SPIDR: variants seen among roughly 807,000 people sequenced by gnomAD.
The protein encoded by SPIDR is DNA repair-scaffolding protein.
In SPIDR, 93 loss-of-function variants were observed where a neutral mutation model predicts 104.6. The observed-to-expected ratio is 0.89, with a 90% CI of 0.75 to 1.06. The LOEUF is 1.06. SPIDR is among the 50% of genes least tolerant of loss of function. The pLI, the probability that SPIDR is intolerant of heterozygous loss-of-function variation, is 0.00. For synonymous variants in SPIDR, 431 were observed against 416.9 expected (o/e 1.03, Z -0.41); for missense variants, 1,154 against 1,111.2 (o/e 1.04, Z -0.55).
intron 7 of SPIDR, 26 bp from the exon 8 acceptor site, chr8:47,440,297 G>T: frequency 6.3e-7 from 1 of 1,593,970 alleles, no homozygotes; most frequent in Non-Finnish European, 8.6e-7. Context: ...TTTCATTTTT[G>T]CTTTGTTCTT....
chr8:47,462,948 G>A (rs1327816214), intron 8 of SPIDR, among the ~76,000 whole-genome samples: 8 of 152,120 alleles, frequency 5.3e-5, no homozygotes, highest in African/African-American at 1.7e-4. Context: ...CCAACAAATT[G>A]GGTAACCTAG....
In SPIDR at chr8:47,547,997, G is replaced by T. The variant is rs145373778; in HGVS notation, c.1098-47814G>T. On this transcript the variant is annotated intron_variant, in intron 8 of 19. Coordinates refer to ENST00000297423, the MANE Select transcript of SPIDR (RefSeq NM_001080394.4). ...AAAATTCCCTCTCAGCACTGCTTTC[G>T]CTTCATCCCACCAATTTTGATATGT... 3.4e-3 allele frequency: 514 copies of T among 153,274 alleles called. 7 individuals are homozygous for T. Among genetic ancestry groups the T allele is most frequent in the African/African-American group, 0.012 (482 of 41,514 alleles). 9.5% of individuals were successfully genotyped at this position (153,274 alleles called of 1,614,324 possible).
chr8:47,687,692 G>T (rs546813021), intron 11 of SPIDR, among the ~76,000 whole-genome samples: 54 of 152,326 alleles, frequency 3.5e-4, no homozygotes, highest in Non-Finnish European at 7.1e-4. Context: ...CCCCTACCCT[G>T]ATCCTAAAGA....
intron 8 of SPIDR, among the ~76,000 whole-genome samples, chr8:47,502,325 A>G (rs1310716565): frequency 6.6e-6 from 1 of 152,092 alleles, no homozygotes; most frequent in African/African-American, 2.4e-5. Context: ...AGAGCCTGTT[A>G]TTGGTCTATT....
intron 11 of SPIDR, among the ~76,000 whole-genome samples, chr8:47,696,332 G>T (rs1311593448): frequency 2.5e-4 from 38 of 151,808 alleles, no homozygotes; most frequent in East Asian, 1.9e-4. Context: ...AAGAAAATTG[G>T]TTTTTTTTCA....
intron 8 of SPIDR, among the ~76,000 whole-genome samples, chr8:47,566,058 G>T (rs990979144): frequency 3.9e-5 from 5 of 129,320 alleles, no homozygotes; most frequent in Non-Finnish European, 6.3e-5. Context: ...ACAGGCTGGA[G>T]TGCAGTGGCA....
At chr8:47,399,343 G>C (rs1295063053) in intron 6 of SPIDR, among the ~76,000 whole-genome samples, 1 of 152,196 alleles carries the variant, frequency 6.6e-6, no homozygotes, top group African/African-American at 2.4e-5. Flanking sequence ...GATGGACCTG[G>C]TGAGGAGCAG....
At position 47,713,658 on chromosome 8, in the gene SPIDR, C is replaced by T; in HGVS notation, c.2341+17C>T. The T allele has an allele frequency of 6.2e-7, 1 of 1,613,616 alleles. No individual in the cohort carries two copies. Among genetic ancestry groups the T allele is most frequent in the Non-Finnish European group, 8.5e-7 (1 of 1,179,748 alleles). ...GTGTTCAAGGTAGGCAGCCATCTCACAGGAATTGGTGCTTATACTTTCTTA... is the reference window on the plus strand; with the variant it reads ...GTGTTCAAGGTAGGCAGCCATCTCATAGGAATTGGTGCTTATACTTTCTTA... On this transcript the variant is annotated intron_variant, in intron 16 of 19. Transcript: ENST00000297423.
At position 47,689,905 on chromosome 8, in the gene SPIDR, T is replaced by C. The variant is rs181493958; in HGVS notation, c.1686-10498T>C. 4.4e-3 allele frequency among the ~76,000 whole-genome samples: 674 copies of C among 152,324 alleles called. 7 individuals carry two copies. Among genetic ancestry groups the C allele is most frequent in the Middle Eastern group, 0.014 (4 of 294 alleles). Reference sequence around the variant, plus strand: ...TCTTCTTCATTATTTGGCACGTCAATGTAAATTATTTTAATAGGACTCAAC... The same window carrying C: ...TCTTCTTCATTATTTGGCACGTCAACGTAAATTATTTTAATAGGACTCAAC... On this transcript the variant is annotated intron_variant, in intron 11 of 19. Coordinates refer to ENST00000297423, the MANE Select transcript of SPIDR (RefSeq NM_001080394.4).
chr8:47,497,246 G>A (rs761936339), intron 8 of SPIDR, among the ~76,000 whole-genome samples: 4 of 151,696 alleles, frequency 2.6e-5, no homozygotes, highest in South Asian at 2.1e-4. Context: ...CTTCCTGTGC[G>A]TGCTTTGGGT....
rs543225243 is a variant in SPIDR at position 47,725,167 on chromosome 8, G to C, written c.2342-2033G>C. 1.5e-4 allele frequency among the ~76,000 whole-genome samples: 23 copies of C among 152,350 alleles called. No homozygotes were observed. In the South Asian group the frequency reaches 3.1e-3, roughly 21 times the overall value. ...TGTGCACCAGGCGTGGTGAGCGCCA[G>C]ACCCACCCATCCTGAGGACCCTTTG... On this transcript the variant is annotated intron_variant, in intron 16 of 19. Transcript: ENST00000297423.
At chr8:47,408,067 T>C (rs1379083947) in intron 7 of SPIDR, 106 bp downstream of exon 7, 4 of 516,760 alleles carry the variant, frequency 7.7e-6, no homozygotes, top group Non-Finnish European at 1.2e-5. Flanking sequence ...TTCATGACTT[T>C]TTAAAAATTT....
At chr8:47,318,094 G>A (rs1369489865) in intron 5 of SPIDR, among the ~76,000 whole-genome samples, 1 of 152,182 alleles carries the variant, frequency 6.6e-6, no homozygotes, top group Non-Finnish European at 1.5e-5. Context: ...GCTGGACGGA[G>A]AGTGACTTTG....
At chr8:47,592,194 T>C in intron 8 of SPIDR, 1 of 1,376,676 alleles carries the variant, frequency 7.3e-7, no homozygotes, top group Non-Finnish European at 1.0e-6. Flanking sequence ...GCTGTTTCTA[T>C]GGCTTGGGCT....
intron 3 of SPIDR, among the ~76,000 whole-genome samples, chr8:47,290,045 G>C (rs1488746126): frequency 1.3e-5 from 2 of 152,072 alleles, no homozygotes; most frequent in Non-Finnish European, 2.9e-5. Flanking sequence ...ACCTTTTTGT[G>C]TGTGTGTGTG....
chr8:47,443,336 A>T (rs1188034436), intron 8 of SPIDR, among the ~76,000 whole-genome samples: 1 of 152,106 alleles, frequency 6.6e-6, no homozygotes, highest in African/African-American at 2.4e-5. Context: ...TTAGGAGGCC[A>T]AGGCAGGTGG....
intron 8 of SPIDR, among the ~76,000 whole-genome samples, chr8:47,499,229 C>T (rs1181146269): frequency 6.6e-6 from 1 of 152,164 alleles, no homozygotes; most frequent in Non-Finnish European, 1.5e-5. Context: ...TGGTTCTTGG[C>T]TGTACTGCAC....
In SPIDR at chr8:47,420,887, A is replaced by G. The variant is rs2065314491; in HGVS notation, c.877+12926A>G. ...CTTATGAAGCTTAGTTTGGCTGGAT[A>G]TGAAATTCTGGGTTGAAAATTATTT... On this transcript the variant is annotated intron_variant, in intron 7 of 19. Coordinates refer to ENST00000297423, the MANE Select transcript of SPIDR (RefSeq NM_001080394.4). Among the ~76,000 whole-genome samples, 3 of 152,254 alleles carry G rather than the reference A, an allele frequency of 2.0e-5. No individual in the cohort carries two copies. In the South Asian group the frequency reaches 6.2e-4, roughly 31 times the overall value.
intron 10 of SPIDR, among the ~76,000 whole-genome samples, chr8:47,613,428 G>A (rs935313781): frequency 2.0e-5 from 3 of 152,028 alleles, no homozygotes; most frequent in Non-Finnish European, 4.4e-5. Flanking sequence ...TCACTTTTTG[G>A]CTATTATGAA....
Sources: allele counts gnomAD v4.1 joint callset (sites outside exome capture counted in the v4.1 genomes callset), GRCh38; gene constraint gnomAD v4.1.1; transcripts MANE v1.5; gene names NCBI Gene and HGNC (gene_info 2026-07-23, HGNC 2026-07-21).